Variants in STAU2 observed in about 807,000 individuals in gnomAD.
The protein encoded by STAU2 is staufen double-stranded RNA binding protein 2.
A neutral mutation model predicts 65.9 loss-of-function variants in STAU2; 20 were observed. The observed-to-expected ratio is 0.30, with a 90% confidence interval of 0.21 to 0.44. STAU2 has a LOEUF of 0.44. Ranked by LOEUF, STAU2 falls within the 20% of genes least tolerant of loss-of-function variation. The pLI is 1.00. For missense variants in STAU2, 558 were observed against 683.9 expected (o/e 0.82, Z 2.05); for synonymous variants, 232 against 233.9 (o/e 0.99, Z 0.07).
chr8:73,741,837 G>T (rs1335642099), intron 1 of STAU2, among the ~76,000 whole-genome samples: 1 of 152,048 alleles, frequency 6.6e-6, no homozygotes, highest in African/African-American at 2.4e-5. Context: ...TTCTGACACG[G>T]AAAAGATATT....
chr8:73,637,744 A>G (rs1404742653), intron 6 of STAU2, among the ~76,000 whole-genome samples: 1 of 151,926 alleles, frequency 6.6e-6, no homozygotes, highest in African/African-American at 2.4e-5. Context: ...CAAAAACAAA[A>G]CAAAAAAAGG....
At chr8:73,506,497 T>TA (rs36075682) in intron 13 of STAU2, among the ~76,000 whole-genome samples, 2 of 152,136 alleles carry the variant, frequency 1.3e-5, no homozygotes, top group African/African-American at 4.8e-5. Context: ...GCATTATGTC[T>TA]AAAAAAAGAA....
chr8:73,563,960 T>C (rs972147124), intron 12 of STAU2, among the ~76,000 whole-genome samples: 3 of 152,324 alleles, frequency 2.0e-5, no homozygotes, highest in South Asian at 2.1e-4. Context: ...AGTTAAGAAG[T>C]TGCAGTATCC....
intron 10 of STAU2, among the ~76,000 whole-genome samples, chr8:73,599,229 T>C (rs1811441769): frequency 6.6e-6 from 1 of 152,214 alleles, no homozygotes; most frequent in Non-Finnish European, 1.5e-5. Flanking sequence ...TTTGTCTGGA[T>C]ATCTAGACTT....
intron 13 of STAU2, among the ~76,000 whole-genome samples, chr8:73,453,128 C>G (rs17218816): frequency 6.6e-6 from 1 of 152,152 alleles, no homozygotes; most frequent in African/African-American, 2.4e-5. Context: ...AAAGATAAGA[C>G]TTGCAGCTGC....
rs145337805 is a variant in STAU2 at position 73,724,570 on chromosome 8, G to A, written c.-18+13714C>T. Among the ~76,000 whole-genome samples, 375 of 151,672 alleles carry A rather than the reference G, an allele frequency of 2.5e-3. 3 individuals carry two copies. Among genetic ancestry groups the A allele is most frequent in the Non-Finnish European group, 3.6e-3 (246 of 67,946 alleles). On this transcript the variant is annotated intron_variant, in intron 3 of 14. Coordinates refer to ENST00000524300, the MANE Select transcript of STAU2 (RefSeq NM_001164380.2). The stretch of plus-strand genomic sequence containing the variant: ...TTTATTATAAAATAGGGTGTATTTA[G>A]ATGATTTTGCCCAACTGTAGTCTAA...
intron 6 of STAU2, among the ~76,000 whole-genome samples, chr8:73,670,880 A>T (rs59157348): frequency 0.28 from 41,938 of 152,002 alleles, 6,288 homozygotes; most frequent in East Asian, 0.45. Flanking sequence ...ATCAATAGAT[A>T]AGACCACATA....
In STAU2 at chr8:73,651,405, A is replaced by G. The variant is rs1287641180; in HGVS notation, c.410+21702T>C. Reference sequence around the variant, plus strand: ...CTGGCCAGGGAAATGCAGCTGTCGGAGGTCCAGATAAAAACCTGGTTTCAA... The same window carrying G: ...CTGGCCAGGGAAATGCAGCTGTCGGGGGTCCAGATAAAAACCTGGTTTCAA... On this transcript the variant is annotated intron_variant, in intron 6 of 14. Coordinates refer to ENST00000524300, the MANE Select transcript of STAU2 (RefSeq NM_001164380.2). 4.5e-6 allele frequency: 3 copies of G among 664,064 alleles called. No homozygotes were observed. The Admixed American group carries it at 5.9e-5, about 13-fold the overall frequency. 41.1% of individuals were successfully genotyped at this position (664,064 alleles called of 1,614,324 possible).
intron 12 of STAU2, among the ~76,000 whole-genome samples, chr8:73,558,513 G>C (rs779425288): frequency 3.3e-5 from 5 of 152,152 alleles, no homozygotes; most frequent in Non-Finnish European, 7.4e-5. Flanking sequence ...AGTTGAAGAG[G>C]GACTTTTGAA....
intron 4 of STAU2, among the ~76,000 whole-genome samples, chr8:73,692,208 T>G (rs1228104388): frequency 6.6e-6 from 1 of 151,776 alleles, no homozygotes; most frequent in East Asian, 1.9e-4. Flanking sequence ...TTTTTTTTTT[T>G]TTTCCCCGGA....
At chr8:73,568,909 C>G (rs1399285020) in intron 12 of STAU2, among the ~76,000 whole-genome samples, 1 of 152,106 alleles carries the variant, frequency 6.6e-6, no homozygotes, top group African/African-American at 2.4e-5. Flanking sequence ...CCAGTGTGAG[C>G]GATGCAGAAG....
chr8:73,687,356 T>TTATATTTATA (rs1243776186), intron 5 of STAU2, among the ~76,000 whole-genome samples: 2 of 17,386 alleles, frequency 1.2e-4, no homozygotes, highest in African/African-American at 4.2e-4. Flanking sequence ...ATAATTTATA[T>TTATATTTATA]AATATAAATA....
intron 4 of STAU2, among the ~76,000 whole-genome samples, chr8:73,708,097 A>C (rs984695747): frequency 2.0e-5 from 3 of 152,234 alleles, no homozygotes; most frequent in African/African-American, 4.8e-5. Flanking sequence ...TTTTCTGTTA[A>C]AGCAAGAACA....
intron 4 of STAU2, among the ~76,000 whole-genome samples, chr8:73,691,194 A>T (rs1819301684): frequency 6.6e-6 from 1 of 152,176 alleles, no homozygotes; most frequent in Non-Finnish European, 1.5e-5. Flanking sequence ...CTCAAGAGGT[A>T]AAAGGTCAAA....
chr8:73,597,056 G>A (rs1811237052), intron 10 of STAU2, among the ~76,000 whole-genome samples: 2 of 151,956 alleles, frequency 1.3e-5, no homozygotes, highest in South Asian at 4.2e-4. Context: ...AAAGTAATGA[G>A]CTAAACATCC....
chr8:73,517,293 C>T (rs10957668), intron 13 of STAU2, among the ~76,000 whole-genome samples: 57,221 of 151,870 alleles, frequency 0.38, 12,355 homozygotes, highest in Non-Finnish European at 0.48. Context: ...GGTGTGCTGG[C>T]GTGTGTCTGT....
At chr8:73,716,446 T>C (rs1489758133) in intron 3 of STAU2, among the ~76,000 whole-genome samples, 9 of 152,130 alleles carry the variant, frequency 5.9e-5, no homozygotes, top group Non-Finnish European at 1.2e-4. Context: ...AACAGAAAAA[T>C]AATGCTCAAG....
At chr8:73,654,656 A>AAAAAAAAAAAAAAAAAAAAAAT in intron 6 of STAU2, among the ~76,000 whole-genome samples, 1 of 141,550 alleles carries the variant, frequency 7.1e-6, no homozygotes, top group Non-Finnish European at 1.5e-5. Context: ...AAAAAAAAAA[A>AAAAAAAAAAAAAAAAAAAAAAT]AAAAAGAACT....
intron 10 of STAU2, among the ~76,000 whole-genome samples, chr8:73,598,765 G>A (rs1170507437): frequency 6.6e-6 from 1 of 152,054 alleles, no homozygotes; most frequent in Non-Finnish European, 1.5e-5. Flanking sequence ...TCATATATAA[G>A]GAATCTAAGA....
Sources: gnomAD v4.1 joint callset for allele counts (sites outside exome capture counted in the v4.1 genomes callset) on GRCh38, gnomAD v4.1.1 for gene constraint, MANE v1.5 for transcripts, NCBI Gene and HGNC (gene_info 2026-07-23, HGNC 2026-07-21) for gene names.